The following TRPM6 variants were observed in gnomAD, a reference collection of about 807,000 sequenced individuals.
The protein encoded by TRPM6 is transient receptor potential cation channel subfamily M member 6.
TRPM6 carries 111 observed loss-of-function variants against 247.6 expected under a neutral mutation model. The observed-to-expected ratio is 0.45, with a 90% CI of 0.38 to 0.52. The LOEUF (loss-of-function observed/expected upper bound fraction) is 0.52. TRPM6 is among the 20% of genes least tolerant of loss of function. The probability of loss-of-function intolerance (pLI) is 0.00; values close to 1 mark genes in which losing one functional copy is unlikely to be tolerated. For missense variants in TRPM6, 2,126 were observed against 2,421.5 expected, an observed-to-expected ratio of 0.88 and a Z score of 2.56; for synonymous variants, 892 against 853.8, an observed-to-expected ratio of 1.04 and a Z score of -0.78.
chr9:74,737,479 G>C (rs541001142), intron 36 of TRPM6: 2 of 1,269,928 alleles, frequency 1.6e-6, no homozygotes, highest in African/African-American at 3.1e-5. Context: ...ACAAGAAAAA[G>C]GCCCAAGTTG....
chr9:74,852,915 C>G (rs929472281), intron 3 of TRPM6, among the ~76,000 whole-genome samples: 1 of 152,166 alleles, frequency 6.6e-6, no homozygotes, highest in Non-Finnish European at 1.5e-5. Context: ...GCAGCCACCC[C>G]GTCTGGGAAG....
In TRPM6 at chr9:74,762,437, G is replaced by A. The variant is rs765550122; in HGVS notation, c.4234C>T (p.His1412Tyr). ...EPKEKHEPIA[H>Y]LLDGQDKAEQ... is the part of the protein sequence containing the mutation. The stretch of plus-strand genomic sequence containing the variant: ...GCCTTGTCTTGTCCATCCAGTAAGT[G>A]AGCAATAGGCTCGTGCTTTTCCTTG... Residue 1412 changes from histidine to tyrosine, a missense_variant, in exon 26 of 39, where the codon CAC becomes TAC. This residue lies in a region of TRPM6 where 717 missense variants were observed against 715.9 expected (regional missense o/e 1.00). Transcript: ENST00000360774. 14 of 1,614,058 alleles carry A rather than the reference G, an allele frequency of 8.7e-6. No individual in the cohort carries two copies. Among genetic ancestry groups the A allele is most frequent in the Middle Eastern group, 1.6e-4 (1 of 6,084 alleles).
chr9:74,732,264 C>T (rs1382556183), intron 37 of TRPM6, among the ~76,000 whole-genome samples: 1 of 152,172 alleles, frequency 6.6e-6, no homozygotes, highest in Non-Finnish European at 1.5e-5. Flanking sequence ...CTTTATGCCC[C>T]TAGCTTTCAT....
At chr9:74,769,290 C>T (rs1826933663) in intron 25 of TRPM6, among the ~76,000 whole-genome samples, 1 of 152,118 alleles carries the variant, frequency 6.6e-6, no homozygotes, top group Non-Finnish European at 1.5e-5. Context: ...GGACTACAGG[C>T]ATGTGCCACC....
At chr9:74,768,113 T>C (rs1282311316) in intron 25 of TRPM6, among the ~76,000 whole-genome samples, 1 of 152,216 alleles carries the variant, frequency 6.6e-6, no homozygotes, top group African/African-American at 2.4e-5. Flanking sequence ...TAGGATTTTA[T>C]CATTGAATTG....
intron 7 of TRPM6, among the ~76,000 whole-genome samples, chr9:74,824,252 G>C (rs58818326): frequency 0.16 from 24,953 of 151,350 alleles, 2,340 homozygotes; most frequent in East Asian, 0.28. Flanking sequence ...CTGGGTTCAA[G>C]TGATTCTCCT....
intron 36 of TRPM6, chr9:74,737,499 A>T (rs112861304): frequency 1.1e-5 from 12 of 1,141,510 alleles, no homozygotes; most frequent in African/African-American, 6.4e-5. Flanking sequence ...GTTTAAACAA[A>T]CCATAAGATG....
intron 6 of TRPM6, among the ~76,000 whole-genome samples, chr9:74,833,159 A>C (rs1032457659): frequency 6.6e-6 from 1 of 152,226 alleles, no homozygotes; most frequent in Non-Finnish European, 1.5e-5. Flanking sequence ...CATTTATAGC[A>C]ATCAGTTCTG....
At chr9:74,735,981 T>C (rs370033747) in intron 36 of TRPM6, among the ~76,000 whole-genome samples, 1 of 152,222 alleles carries the variant, frequency 6.6e-6, no homozygotes, top group Non-Finnish European at 1.5e-5. Context: ...CAGGGCCTTC[T>C]TCTATAGAAG....
At chr9:74,806,528 T>C (rs1464459248) in intron 14 of TRPM6, among the ~76,000 whole-genome samples, 1 of 152,226 alleles carries the variant, frequency 6.6e-6, no homozygotes, top group Non-Finnish European at 1.5e-5. Flanking sequence ...AACACCCAAA[T>C]TATTATTACT....
At chr9:74,800,817 T>C (rs1413226786) in intron 16 of TRPM6, among the ~76,000 whole-genome samples, 1 of 151,852 alleles carries the variant, frequency 6.6e-6, no homozygotes, top group Non-Finnish European at 1.5e-5. Context: ...CTCCACACTA[T>C]TGGACATAGC....
chr9:74,739,498 C>T, intron 34 of TRPM6, 49 bp from the exon 35 acceptor site: 2 of 1,581,014 alleles, frequency 1.3e-6, no homozygotes, highest in Non-Finnish European at 1.7e-6. Context: ...TGTTGTACAG[C>T]TATGATCATG....
chr9:74,745,423 T>C (rs933344493), intron 31 of TRPM6, among the ~76,000 whole-genome samples: 1 of 151,974 alleles, frequency 6.6e-6, no homozygotes, highest in Admixed American at 6.6e-5. Context: ...AAATAGAAAA[T>C]AAATATATAG....
At chr9:74,730,784 T>A (rs1045045964) in intron 37 of TRPM6, among the ~76,000 whole-genome samples, 1 of 152,160 alleles carries the variant, frequency 6.6e-6, no homozygotes, top group Non-Finnish European at 1.5e-5. Context: ...TAATCAGACG[T>A]AATTCCCCAT....
chr9:74,843,720 C>A lies in TRPM6; in HGVS notation c.153-1377G>T, dbSNP rs1045711945. ...ATCCCAGCTACTTGGGAGGCTGAGA[C>A]GGGAAAATGGCATGAACCCAGGAGG... On this transcript the variant is annotated intron_variant, in intron 3 of 38. Coordinates refer to ENST00000360774, the MANE Select transcript of TRPM6 (RefSeq NM_017662.5). 3.4e-5 allele frequency among the ~76,000 whole-genome samples: 5 copies of A among 147,198 alleles called. No individual in the cohort carries two copies. In the East Asian group the frequency reaches 1.0e-3, roughly 29 times the overall value.
chr9:74,800,023 T>C lies in TRPM6; in HGVS notation c.2238+231A>G. ...ACTCCATGTGCATCCCTCCCAAAGCTGCACGCTCTGTCGCTCAGTCGCAGA... is the reference window on the plus strand; with the variant it reads ...ACTCCATGTGCATCCCTCCCAAAGCCGCACGCTCTGTCGCTCAGTCGCAGA... On this transcript the variant is annotated intron_variant, in intron 17 of 38. Transcript: ENST00000360774. 2 of 555,218 alleles carry C rather than the reference T, an allele frequency of 3.6e-6. 1 individual carries two copies. Among genetic ancestry groups the C allele is most frequent in the Non-Finnish European group, 6.5e-6 (2 of 306,732 alleles). 34.4% of individuals were successfully genotyped at this position (555,218 alleles called of 1,614,324 possible).
chr9:74,748,961 T>A (rs1826144349), intron 30 of TRPM6, among the ~76,000 whole-genome samples: 1 of 152,206 alleles, frequency 6.6e-6, no homozygotes, highest in Admixed American at 6.5e-5. Context: ...ATTGTAAGCA[T>A]CCTATACAGG....
chr9:74,867,996 CAAA>C, intron 1 of TRPM6, among the ~76,000 whole-genome samples: 1 of 148,716 alleles, frequency 6.7e-6, no homozygotes. Flanking sequence ...CTATTAAAAA[CAAA>C]AAAAATTAGC....
chr9:74,787,950 C>G (rs544524535), intron 20 of TRPM6, among the ~76,000 whole-genome samples: 1 of 151,910 alleles, frequency 6.6e-6, no homozygotes, highest in East Asian at 1.9e-4. Context: ...CTCCTGACCT[C>G]GTGATCTGCC....
Sources: allele counts gnomAD v4.1 joint callset (sites outside exome capture counted in the v4.1 genomes callset), GRCh38; gene constraint gnomAD v4.1.1; regional missense constraint gnomAD v4.1.1; transcripts MANE v1.5; gene names NCBI Gene and HGNC (gene_info 2026-07-23, HGNC 2026-07-21).